SMARCA5: variants seen among roughly 807,000 people sequenced by gnomAD.
SMARCA5 encodes SWI/SNF-related matrix-associated actin-dependent regulator of chromatin subfamily A member 5.
Under a neutral mutation model 140.4 loss-of-function variants are expected in SMARCA5, and 18 were observed. The ratio of observed to expected loss-of-function variants is 0.13; its 90% CI spans 0.09 to 0.19. The LOEUF (loss-of-function observed/expected upper bound fraction) is 0.19, where lower values mean the gene tolerates loss of function less well. SMARCA5 is among the 10% of genes least tolerant of loss of function. The pLI, the probability that SMARCA5 is intolerant of heterozygous loss-of-function variation, is 1.00. For synonymous variants in SMARCA5, 449 were observed against 419.6 expected (o/e 1.07, Z -0.86); for missense variants, 606 against 1,276.8 (o/e 0.47, Z 8.01).
At position 143,557,313 on chromosome 4, in the gene SMARCA5, A is replaced by T. The variant is rs180995169; in HGVS notation, c.*4129A>T. 6.6e-6 allele frequency: 1 copy of T among 152,376 alleles called. No individual in the cohort carries two copies. Among genetic ancestry groups the T allele is most frequent in the East Asian group, 1.9e-4 (1 of 5,194 alleles). The allele number at this position is 152,376 out of a possible 1,614,324, so 9.4% of individuals were successfully genotyped here. A position where few individuals can be genotyped will look rare whatever the true frequency, so the allele number is the denominator to read the frequency against. On this transcript the variant is annotated 3_prime_UTR_variant, in exon 24 of 24. Transcript: ENST00000283131. ...TAAACAATGTAAACACTACATTGAC[A>T]AAAATATTTTATTAATACAAAGAAT... is the stretch of plus-strand genomic sequence containing the variant.
chr4:143,545,649 TTA>T (rs1404409215), intron 18 of SMARCA5, 66 bp downstream of exon 18: 1 of 967,450 alleles, frequency 1.0e-6, no homozygotes, highest in African/African-American at 1.7e-5. Flanking sequence ...TAAACATTAG[TTA>T]TAAATATTTA....
intron 3 of SMARCA5, 120 bp downstream of exon 3, chr4:143,521,715 C>T (rs1736962204): frequency 1.1e-6 from 1 of 902,692 alleles, no homozygotes; most frequent in African/African-American, 1.7e-5. Context: ...TTTATTTGGC[C>T]CTGTTTGGCT....
intron 2 of SMARCA5, among the ~76,000 whole-genome samples, chr4:143,518,772 A>G (rs1022767311): frequency 6.6e-6 from 1 of 152,106 alleles, no homozygotes; most frequent in African/African-American, 2.4e-5. Context: ...AAACTTAGAG[A>G]AAAAATAGAT....
intron 1 of SMARCA5, among the ~76,000 whole-genome samples, 180 bp from the exon 2 acceptor site, chr4:143,517,175 C>T (rs996412352): frequency 6.6e-6 from 1 of 152,140 alleles, no homozygotes; most frequent in African/African-American, 2.4e-5. Flanking sequence ...TTGTTATCCC[C>T]ATAGTATCTA....
chr4:143,528,050 CCTT>C, intron 7 of SMARCA5, 27 bp downstream of exon 7: 1 of 1,510,248 alleles, frequency 6.6e-7, no homozygotes, highest in Non-Finnish European at 8.8e-7. Context: ...ATGTGAAAAG[CCTT>C]CATGTAAGAA....
At position 143,540,485 on chromosome 4, in the gene SMARCA5, C is replaced by G; in HGVS notation, c.1893C>G (p.Val631=). ...TGAAACTCAGACTGGATTCAATAGT[C>G]ATTCAACAAGGTAAGCCATGGAACT... ...AEMKLRLDSI[V]IQQGRLVDQN... The change falls in exon 14 of 24, where the codon GTC becomes GTG. Residue 631 remains valine, a synonymous_variant. Coordinates refer to ENST00000283131, the MANE Select transcript of SMARCA5 (RefSeq NM_003601.4). 6.2e-7 allele frequency: 1 copy of G among 1,609,832 alleles called. No individual in the cohort carries two copies. The highest frequency in any genetic ancestry group is 8.5e-7 in the Non-Finnish European group (1 of 1,178,564).
At chr4:143,528,446 T>C (rs188615170) in intron 7 of SMARCA5, 137 bp from the exon 8 acceptor site, 2 of 644,166 alleles carry the variant, frequency 3.1e-6, no homozygotes, top group East Asian at 5.7e-5. Flanking sequence ...TGCGTACTAT[T>C]CGCTGATGTA....
chr4:143,553,097 T>TA (rs1302965335), intron 23 of SMARCA5, 22 bp from the exon 24 acceptor site: 2 of 1,593,364 alleles, frequency 1.3e-6, no homozygotes, highest in Middle Eastern at 1.7e-4. Context: ...TTGTGAAAAG[T>TA]AATCCTTCTG....
chr4:143,544,382 C>T (rs1276069850), intron 16 of SMARCA5: 1 of 178,952 alleles, frequency 5.6e-6, no homozygotes, highest in Non-Finnish European at 1.2e-5. Context: ...ATAATTCTAC[C>T]CAGTGTTTTT....
At chr4:143,542,950 C>T (rs1007979389) in intron 14 of SMARCA5, among the ~76,000 whole-genome samples, 3 of 151,924 alleles carry the variant, frequency 2.0e-5, no homozygotes, top group Admixed American at 2.0e-4. Context: ...TGCACTCCAG[C>T]CTAAGCAACA....
At chr4:143,521,353 A>G in intron 2 of SMARCA5, 76 bp from the exon 3 acceptor site, 1 of 938,860 alleles carries the variant, frequency 1.1e-6, no homozygotes. Context: ...CATTGTATGG[A>G]GGCATGCTGA....
At chr4:143,545,224 A>T (rs1248338217) in intron 17 of SMARCA5, among the ~76,000 whole-genome samples, 1 of 152,178 alleles carries the variant, frequency 6.6e-6, no homozygotes, top group Non-Finnish European at 1.5e-5. Flanking sequence ...TACAGGCGTG[A>T]GCCACTGCCT....
Position 143,536,794 on chromosome 4 carries a change from C to T in SMARCA5, c.1495+116C>T, listed in dbSNP as rs149814808. ...TGCTTTCCAAGGTTGACGTGTAGAA[C>T]ATTAAAAAAACCTGTTCATTATCTG... is the stretch of plus-strand genomic sequence containing the variant. On this transcript the variant is annotated intron_variant, in intron 11 of 23. Transcript: ENST00000283131. The T allele has an allele frequency of 4.6e-4, 330 of 718,776 alleles. 1 individual carries two copies. The African/African-American group carries it at 5.4e-3, about 12-fold the overall frequency. 44.5% of individuals were successfully genotyped at this position (718,776 alleles called of 1,614,324 possible).
chr4:143,550,959 A>T (rs1270361689), intron 23 of SMARCA5, among the ~76,000 whole-genome samples: 1 of 151,834 alleles, frequency 6.6e-6, no homozygotes, highest in Non-Finnish European at 1.5e-5. Context: ...GGTAACTCTT[A>T]TCTGTAGTTT....
chr4:143,538,208 G>A (rs767228910), intron 11 of SMARCA5, among the ~76,000 whole-genome samples: 83 of 152,116 alleles, frequency 5.5e-4, no homozygotes, highest in Admixed American at 5.9e-4. Context: ...TCAGAACCAG[G>A]CTGAGACCAG....
intron 15 of SMARCA5, 81 bp downstream of exon 15, chr4:143,543,738 A>T: frequency 1.3e-6 from 2 of 1,502,480 alleles, no homozygotes; most frequent in Non-Finnish European, 1.8e-6. Context: ...TTGATGATAA[A>T]TAATTTTATT....
At chr4:143,546,640 A>G (rs1737531106) in intron 19 of SMARCA5, 136 bp from the exon 20 acceptor site, 5 of 690,312 alleles carry the variant, frequency 7.2e-6, no homozygotes, top group Non-Finnish European at 1.2e-5. Flanking sequence ...ATTTATGTAC[A>G]CGAAAAGTTA....
chr4:143,548,041 T>C lies in SMARCA5; in HGVS notation c.2886T>C (p.Leu962=), dbSNP rs769146407. The change falls in exon 22 of 24, where the codon CTT becomes CTC. Residue 962 remains leucine, a synonymous_variant. Coordinates refer to ENST00000283131, the MANE Select transcript of SMARCA5 (RefSeq NM_003601.4). Reference sequence around the variant, plus strand: ...TTCTGATTTGTATGCTTCACAAACTTGGATTTGACAAAGAAAATGTTTATG... The same window carrying C: ...TTCTGATTTGTATGCTTCACAAACTCGGATTTGACAAAGAAAATGTTTATG... ...DRFLICMLHK[L]GFDKENVYDE... is the part of the protein sequence containing the mutation. The C allele has an allele frequency of 1.9e-6, 3 of 1,612,382 alleles. No homozygotes were observed. The African/African-American group carries it at 4.0e-5, about 22-fold the overall frequency.
chr4:143,519,352 C>A (rs1736908822), intron 2 of SMARCA5, among the ~76,000 whole-genome samples: 1 of 152,046 alleles, frequency 6.6e-6, no homozygotes, highest in African/African-American at 2.4e-5. Context: ...TTCCATATCA[C>A]CCTAGTTTAG....
Sources: allele counts gnomAD v4.1 joint callset (sites outside exome capture counted in the v4.1 genomes callset), GRCh38; gene constraint gnomAD v4.1.1; transcripts MANE v1.5; gene names NCBI Gene and HGNC (gene_info 2026-07-23, HGNC 2026-07-21).